The following CNTN4 variants were observed in gnomAD, a reference collection of about 807,000 sequenced individuals.
CNTN4 encodes the protein contactin-4.
In CNTN4, 77 loss-of-function variants were observed where a neutral mutation model predicts 122.5. The observed-to-expected ratio is 0.63, with a 90% confidence interval of 0.52 to 0.76. CNTN4 has a LOEUF of 0.76. CNTN4 is among the 30% of genes least tolerant of loss of function. CNTN4 has a pLI of 0.00. For missense variants in CNTN4, 1,256 were observed against 1,259.1 expected (o/e 1.00, Z 0.04); for synonymous variants, 512 against 447.0 (o/e 1.15, Z -1.83).
intron 3 of CNTN4, among the ~76,000 whole-genome samples, chr3:2,437,730 A>C (rs375364994): frequency 6.6e-6 from 1 of 152,198 alleles, no homozygotes; most frequent in Non-Finnish European, 1.5e-5. Context: ...GGTGGCTTCT[A>C]GTACACACTT....
chr3:2,576,070 T>C (rs13318882), intron 4 of CNTN4, among the ~76,000 whole-genome samples: 10,743 of 152,064 alleles, frequency 0.071, 978 homozygotes, highest in African/African-American at 0.21. Context: ...CTCCTGACCT[T>C]GTGATCTGCC....
intron 2 of CNTN4, among the ~76,000 whole-genome samples, chr3:2,160,764 G>C (rs1012804530): frequency 2.6e-5 from 4 of 152,170 alleles, no homozygotes; most frequent in Non-Finnish European, 5.9e-5. Context: ...GATGGTTCAG[G>C]AATGTATACG....
rs141808464 is a variant in CNTN4 at position 2,221,480 on chromosome 3, T to C, written c.-144-117698T>C. ...ACATGGGAGAAAAATCTTTATGACGTTGGATTAGGCATTCTCTTGAGATAA... is the reference window on the plus strand; with the variant it reads ...ACATGGGAGAAAAATCTTTATGACGCTGGATTAGGCATTCTCTTGAGATAA... On this transcript the variant is annotated intron_variant, in intron 2 of 24. Coordinates refer to ENST00000418658, the MANE Select transcript of CNTN4 (RefSeq NM_175607.3). Among the ~76,000 whole-genome samples the C allele has an allele frequency of 3.3e-4, 50 of 151,688 alleles. 1 individual carries two copies. The East Asian group carries it at 9.7e-3, about 29-fold the overall frequency.
intron 3 of CNTN4, among the ~76,000 whole-genome samples, chr3:2,499,422 A>G (rs1371423731): frequency 2.0e-5 from 3 of 152,230 alleles, no homozygotes; most frequent in Non-Finnish European, 4.4e-5. Flanking sequence ...GTACAACTCC[A>G]TTAACATACT....
chr3:2,468,900 A>G (rs2075594434), intron 3 of CNTN4, among the ~76,000 whole-genome samples: 1 of 152,184 alleles, frequency 6.6e-6, no homozygotes, highest in African/African-American at 2.4e-5. Flanking sequence ...GTTTTCCCAG[A>G]AATCCTCTTC....
At chr3:2,945,742 C>G (rs983059332) in intron 13 of CNTN4, among the ~76,000 whole-genome samples, 2 of 152,196 alleles carry the variant, frequency 1.3e-5, no homozygotes, top group African/African-American at 4.8e-5. Flanking sequence ...TGTCTTTTCT[C>G]TGCTTTGAGT....
At chr3:2,813,411 A>G (rs1474657348) in intron 6 of CNTN4, among the ~76,000 whole-genome samples, 1 of 152,178 alleles carries the variant, frequency 6.6e-6, no homozygotes, top group Admixed American at 6.5e-5. Flanking sequence ...AAAAAAGTGA[A>G]TTGGTATTTT....
chr3:2,906,613 G>A (rs773305056), intron 12 of CNTN4, among the ~76,000 whole-genome samples: 13 of 152,044 alleles, frequency 8.6e-5, no homozygotes, highest in South Asian at 2.1e-4. Flanking sequence ...CGAGGCAGGC[G>A]GATCACCTGA....
intron 2 of CNTN4, among the ~76,000 whole-genome samples, chr3:2,282,390 A>G (rs2041749725): frequency 6.6e-6 from 1 of 152,180 alleles, no homozygotes; most frequent in South Asian, 2.1e-4. Flanking sequence ...ATTCTCTAGC[A>G]ATGAGAGCAA....
intron 2 of CNTN4, among the ~76,000 whole-genome samples, chr3:2,136,390 A>G (rs185108230): frequency 6.6e-6 from 1 of 152,208 alleles, no homozygotes; most frequent in Non-Finnish European, 1.5e-5. Context: ...TTACTAAAAG[A>G]TACACTGAAT....
chr3:2,548,951 G>A (rs1221142937), intron 3 of CNTN4, among the ~76,000 whole-genome samples: 1 of 152,088 alleles, frequency 6.6e-6, no homozygotes, highest in Non-Finnish European at 1.5e-5. Context: ...GTGAATGGGA[G>A]TTAACTCATG....
At chr3:2,527,087 G>C (rs898914980) in intron 3 of CNTN4, among the ~76,000 whole-genome samples, 1 of 152,142 alleles carries the variant, frequency 6.6e-6, no homozygotes, top group Non-Finnish European at 1.5e-5. Flanking sequence ...TAAGAATGAG[G>C]TTGCATCCAG....
At chr3:2,187,833 T>G (rs1040960905) in intron 2 of CNTN4, among the ~76,000 whole-genome samples, 2 of 152,170 alleles carry the variant, frequency 1.3e-5, no homozygotes, top group African/African-American at 4.8e-5. Context: ...ATTTTGAGTC[T>G]GCCTCTGAAA....
chr3:2,196,917 G>A (rs747288695), intron 2 of CNTN4, among the ~76,000 whole-genome samples: 1 of 151,846 alleles, frequency 6.6e-6, no homozygotes, highest in African/African-American at 2.4e-5. Context: ...GGTGGTGCAT[G>A]CCTGTAATCC....
rs1219933698 is a variant in CNTN4, at chr3:3,017,595, C to T, written c.1487-8507C>T. 2.6e-5 allele frequency among the ~76,000 whole-genome samples: 4 copies of T among 152,282 alleles called. No individual in the cohort carries two copies. The East Asian group carries it at 7.7e-4, about 29-fold the overall frequency. On this transcript the variant is annotated intron_variant, in intron 14 of 24. Transcript: ENST00000418658. ...CCTTTAAAGGACATTTACCTGTGGC[C>T]AGAATGGGCAGCAAGGCCACCCCCC...
Position 2,902,959 on chromosome 3 carries a change from G to C in CNTN4, c.1161G>C (p.Glu387Asp), listed in dbSNP as rs150422716. ...CTGGCATGTATCAGTGTTTGGCAGAGAATAAACATGGAGTTATCTTTTCCA... is the reference window on the plus strand; with the variant it reads ...CTGGCATGTATCAGTGTTTGGCAGACAATAAACATGGAGTTATCTTTTCCA... ...SDAGMYQCLA[E>D]NKHGVIFSNA... is the part of the protein sequence containing the mutation. The change falls in exon 12 of 25, where the codon GAG becomes GAC. Residue 387 changes from glutamate (E) to aspartate (D), a missense_variant. By Grantham distance (45) the Glu-to-Asp change is conservative (BLOSUM62 2). Coordinates refer to ENST00000418658, the MANE Select transcript of CNTN4 (RefSeq NM_175607.3). 1.1e-5 allele frequency: 18 copies of C among 1,613,730 alleles called. 1 individual carries two copies. In the African/African-American group the frequency reaches 1.7e-4, roughly 16 times the overall value.
chr3:2,564,739 G>A (rs9817709), intron 3 of CNTN4, among the ~76,000 whole-genome samples: 13,513 of 151,884 alleles, frequency 0.089, 1,949 homozygotes, highest in African/African-American at 0.3. Context: ...GGGTCTTCTC[G>A]GTAGCAAAAT....
chr3:2,456,915 T>A (rs1348235267), intron 3 of CNTN4, among the ~76,000 whole-genome samples: 1 of 152,130 alleles, frequency 6.6e-6, no homozygotes, highest in Non-Finnish European at 1.5e-5. Flanking sequence ...TGCTAGTCAA[T>A]GAACTGAGTG....
At chr3:2,107,045 C>G (rs1256187466) in intron 2 of CNTN4, among the ~76,000 whole-genome samples, 1 of 152,164 alleles carries the variant, frequency 6.6e-6, no homozygotes, top group Non-Finnish European at 1.5e-5. Context: ...TTGGCCAAAA[C>G]CATTCAACAA....
Sources: allele counts gnomAD v4.1 joint callset (sites outside exome capture counted in the v4.1 genomes callset), GRCh38; gene constraint gnomAD v4.1.1; transcripts MANE v1.5; gene names NCBI Gene and HGNC (gene_info 2026-07-23, HGNC 2026-07-21).